Variants in DACH2 observed in about 807,000 individuals in gnomAD.
The protein encoded by DACH2 is dachshund homolog 2.
Under a neutral mutation model 35.8 loss-of-function variants are expected in DACH2, and 17 were observed. The observed-to-expected ratio is 0.48, with a 90% confidence interval of 0.33 to 0.71. The LOEUF (loss-of-function observed/expected upper bound fraction) is 0.71. DACH2 is among the 30% of genes least tolerant of loss of function. The pLI, the probability that DACH2 is intolerant of heterozygous loss-of-function variation, is 0.02. For synonymous variants in DACH2, 195 were observed against 177.3 expected (o/e 1.10, Z -0.79); for missense variants, 469 against 472.7 (o/e 0.99, Z 0.07).
intron 7 of DACH2, among the ~76,000 whole-genome samples, chrX:86,786,205 T>C (rs1306153926): frequency 9.0e-6 from 1 of 111,519 alleles, no homozygotes; most frequent in Non-Finnish European, 1.9e-5. Flanking sequence ...GGTGACAGAA[T>C]TGAAATAAAC....
intron 1 of DACH2, among the ~76,000 whole-genome samples, chrX:86,274,778 A>G (rs952797386): frequency 7.2e-5 from 8 of 110,858 alleles, no homozygotes; most frequent in South Asian, 3.8e-4. Flanking sequence ...GATTACAGGC[A>G]TGAGCCACCG....
chrX:86,586,993 T>C (rs2039580027), intron 3 of DACH2, among the ~76,000 whole-genome samples: 1 of 111,960 alleles, frequency 8.9e-6, no homozygotes, highest in African/African-American at 3.2e-5. Flanking sequence ...ACTGAATCTG[T>C]ACATTGCTTT....
intron 1 of DACH2, among the ~76,000 whole-genome samples, chrX:86,290,522 C>G (rs751407571): frequency 2.5e-4 from 25 of 100,641 alleles, no homozygotes; most frequent in Non-Finnish European, 3.8e-4. Context: ...AATGGTAATG[C>G]CTAGGTTTTC....
At chrX:86,436,370 A>G (rs2037067550) in intron 2 of DACH2, among the ~76,000 whole-genome samples, 1 of 58,048 alleles carries the variant, frequency 1.7e-5, no homozygotes, top group South Asian at 9.2e-4. Context: ...ATATATGTAT[A>G]TATATATATA....
intron 1 of DACH2, among the ~76,000 whole-genome samples, chrX:86,249,464 T>C (rs1002488763): frequency 1.8e-5 from 2 of 111,649 alleles, no homozygotes; most frequent in African/African-American, 6.5e-5. Flanking sequence ...TCAATATCAC[T>C]GTTCACTAGA....
chrX:86,481,128 G>A (rs1330442790), intron 2 of DACH2: 3 of 111,952 alleles, frequency 2.7e-5, no homozygotes, highest in Non-Finnish European at 3.8e-5. Context: ...TCTACATTTT[G>A]ATCCTACTCA....
chrX:86,348,306 T>C (rs918943666), intron 1 of DACH2, among the ~76,000 whole-genome samples: 18 of 112,229 alleles, frequency 1.6e-4, no homozygotes, highest in African/African-American at 5.8e-4. Flanking sequence ...TGGACGCAAC[T>C]TCCATTTGAA....
intron 3 of DACH2, among the ~76,000 whole-genome samples, chrX:86,603,940 T>G (rs2039824166): frequency 9.0e-6 from 1 of 111,351 alleles, no homozygotes; most frequent in African/African-American, 3.3e-5. Flanking sequence ...TTTAAAGTGT[T>G]TGGGGATTAT....
chrX:86,779,119 T>G (rs909602268), intron 7 of DACH2, among the ~76,000 whole-genome samples: 9 of 111,942 alleles, frequency 8.0e-5, no homozygotes, highest in African/African-American at 2.9e-4. Context: ...CATATTAATG[T>G]CTATTACCTA....
At chrX:86,721,454 G>A (rs187919222) in intron 6 of DACH2, among the ~76,000 whole-genome samples, 43 of 111,553 alleles carry the variant, frequency 3.9e-4, no homozygotes, top group African/African-American at 1.2e-3. Context: ...CTTTATTCAC[G>A]TTCCCAACAA....
chrX:86,725,647 T>A (rs1450258391), intron 6 of DACH2, among the ~76,000 whole-genome samples: 1 of 111,089 alleles, frequency 9.0e-6, no homozygotes, highest in Non-Finnish European at 1.9e-5. Flanking sequence ...AGGTAGCTTG[T>A]TCGGATGCTG....
chrX:86,450,568 A>C (rs1265576043), intron 2 of DACH2, among the ~76,000 whole-genome samples: 1 of 110,964 alleles, frequency 9.0e-6, no homozygotes, highest in Non-Finnish European at 1.9e-5. Flanking sequence ...AAGGATTTAT[A>C]TTCCTTCGGG....
Position 86,691,709 on chromosome X carries a change from C to A in DACH2, c.773-3312C>A, listed in dbSNP as rs1384382907. Among the ~76,000 whole-genome samples, 3 of 111,062 alleles carry A rather than the reference C, an allele frequency of 2.7e-5. No homozygotes were observed. The Admixed American group carries it at 2.9e-4, about 11-fold the overall frequency. On this transcript the variant is annotated intron_variant, in intron 4 of 11. Transcript: ENST00000373125. Reference sequence around the variant, plus strand: ...AAAGCCTAAGGAGAAACTAAACCTGCCAAAACCATGATCTTGGACTTCTGA... The same window carrying A: ...AAAGCCTAAGGAGAAACTAAACCTGACAAAACCATGATCTTGGACTTCTGA...
chrX:86,479,201 A>T (rs2037897482), intron 2 of DACH2, among the ~76,000 whole-genome samples: 1 of 111,199 alleles, frequency 9.0e-6, no homozygotes, highest in Non-Finnish European at 1.9e-5. Context: ...TCCTCTCGAC[A>T]TCCAGCCATT....
chrX:86,233,104 C>T (rs1394700750), intron 1 of DACH2, among the ~76,000 whole-genome samples: 2 of 111,634 alleles, frequency 1.8e-5, no homozygotes, highest in Non-Finnish European at 3.8e-5. Flanking sequence ...AAAGCAAATA[C>T]TGCTTGTTCT....
chrX:86,680,686 C>T (rs2040871350), intron 4 of DACH2, among the ~76,000 whole-genome samples: 1 of 98,485 alleles, frequency 1.0e-5, no homozygotes, highest in Admixed American at 1.1e-4. Context: ...CAGGGTCTCA[C>T]TCTGTCATCC....
rs187887973 is a variant in DACH2 at position 86,535,336 on chromosome X, G to A, written c.640+20945G>A. On this transcript the variant is annotated intron_variant, in intron 3 of 11. Coordinates refer to ENST00000373125, the MANE Select transcript of DACH2 (RefSeq NM_053281.3). ...GTTTTGTGCTGCTGTAACAGAATAT[G>A]TGAGACCGGGTAATATATAATTATA... Among the ~76,000 whole-genome samples the A allele has an allele frequency of 1.4e-4, 16 of 111,618 alleles. No individual in the cohort carries two copies. In the East Asian group the frequency reaches 4.2e-3, roughly 30 times the overall value.
At chrX:86,395,502 G>T (rs374340298) in intron 2 of DACH2, among the ~76,000 whole-genome samples, 40 of 110,555 alleles carry the variant, frequency 3.6e-4, no homozygotes, top group East Asian at 3.4e-3. Context: ...TCATCATTTA[G>T]CATTAGATAT....
chrX:86,187,558 C>G (rs868462393), intron 1 of DACH2, among the ~76,000 whole-genome samples: 64 of 108,977 alleles, frequency 5.9e-4, no homozygotes, highest in African/African-American at 2.0e-3. Context: ...GCTGGGGGTA[C>G]AGGTGTGTGC....
Sources: gnomAD v4.1 joint callset for allele counts (sites outside exome capture counted in the v4.1 genomes callset) on GRCh38, gnomAD v4.1.1 for gene constraint, MANE v1.5 for transcripts, NCBI Gene and HGNC (gene_info 2026-07-23, HGNC 2026-07-21) for gene names.